The following NFILZ variants were observed in gnomAD, a reference collection of about 807,000 sequenced individuals.
NFILZ encodes the protein NFIL3 like basic leucine zipper, also known as NFIL3 like protein.
chr19:8,656,249 CA>C (rs1284176918), intron 3 of NFILZ, among the ~76,000 whole-genome samples: 9 of 99,918 alleles, frequency 9.0e-5, no homozygotes, highest in Non-Finnish European at 2.3e-4. Flanking sequence ...CTGCCTTCTC[CA>C]CGCAGCCCAT....
Position 8,677,829 on chromosome 19 carries a change from A to G in NFILZ, c.*194A>G, listed in dbSNP as rs1555750841. On this transcript the variant is annotated 3_prime_UTR_variant, in exon 6 of 6. Coordinates refer to ENST00000691075, the MANE Select transcript of NFILZ (RefSeq NM_001378600.1). ...CTAGGGGTGGAGTGGATGGGAGCCC[A>G]TCTTGGATTCTACCATGGCTCTTGC... Among the ~76,000 whole-genome samples the G allele has an allele frequency of 6.6e-6, 1 of 152,026 alleles. No homozygotes were observed. Among genetic ancestry groups the G allele is most frequent in the Non-Finnish European group, 1.5e-5 (1 of 67,966 alleles).
At chr19:8,672,309 A>T (rs1396924386) in intron 3 of NFILZ, among the ~76,000 whole-genome samples, 3 of 152,202 alleles carry the variant, frequency 2.0e-5, no homozygotes, top group African/African-American at 7.2e-5. Context: ...CATTCAAAAA[A>T]AATCCATGCA....
At chr19:8,653,352 A>G (rs751273917) in intron 3 of NFILZ, among the ~76,000 whole-genome samples, 31 of 152,104 alleles carry the variant, frequency 2.0e-4, no homozygotes, top group Non-Finnish European at 4.1e-4. Context: ...AATTGCTGAG[A>G]TTACAGGCAT....
intron 1 of NFILZ, among the ~76,000 whole-genome samples, chr19:8,631,609 C>T (rs1268151728): frequency 8.5e-5 from 13 of 152,198 alleles, no homozygotes; most frequent in African/African-American, 2.4e-4. Flanking sequence ...AGTGGGAGGC[C>T]GCAGATTGGC....
intron 3 of NFILZ, among the ~76,000 whole-genome samples, chr19:8,662,204 TA>T (rs113185976): frequency 0.089 from 11,821 of 133,278 alleles, 696 homozygotes; most frequent in African/African-American, 0.16. Context: ...GACTCTGTCT[TA>T]AAAAAAAAAA....
chr19:8,664,468 TC>T (rs2043052528), intron 3 of NFILZ, among the ~76,000 whole-genome samples: 1 of 151,390 alleles, frequency 6.6e-6, no homozygotes, highest in African/African-American at 2.4e-5. Context: ...CCCCTGAGGC[TC>T]AGGAGGTGCC....
chr19:8,650,162 T>A (rs1420222071), intron 3 of NFILZ, among the ~76,000 whole-genome samples: 11 of 143,784 alleles, frequency 7.7e-5, no homozygotes, highest in Admixed American at 4.2e-4. Flanking sequence ...ACAGCTGAGG[T>A]TTTTTTTTTT....
chr19:8,664,873 C>A (rs961005205), intron 3 of NFILZ, among the ~76,000 whole-genome samples: 41 of 152,074 alleles, frequency 2.7e-4, no homozygotes, highest in African/African-American at 9.7e-4. Flanking sequence ...TCTCCAACTC[C>A]CTGCTTGCAC....
rs115815596 is a variant in NFILZ, at chr19:8,679,658, C to T, written c.*2023C>T. On this transcript the variant is annotated 3_prime_UTR_variant, in exon 6 of 6. Coordinates refer to ENST00000691075, the MANE Select transcript of NFILZ (RefSeq NM_001378600.1). ...CACATCACAGGTAGGACCTCCTCTA[C>T]TTGCTCAGCCTTTGGTTCTGGTCCA... Among the ~76,000 whole-genome samples, 1,400 of 152,204 alleles carry T rather than the reference C, an allele frequency of 9.2e-3. 19 individuals carry two copies. The highest frequency in any genetic ancestry group is 0.032 in the African/African-American group (1,328 of 41,522).
At chr19:8,633,922 C>T (rs1436012938) in intron 2 of NFILZ, among the ~76,000 whole-genome samples, 2 of 144,298 alleles carry the variant, frequency 1.4e-5, no homozygotes, top group Non-Finnish European at 3.0e-5. Flanking sequence ...TTCCTTCCTT[C>T]CTTCCTTCCT....
intron 3 of NFILZ, among the ~76,000 whole-genome samples, chr19:8,655,646 G>A (rs2042988864): frequency 1.3e-5 from 2 of 152,136 alleles, no homozygotes; most frequent in African/African-American, 4.8e-5. Context: ...CGGCATGCTG[G>A]GCTGGCCCGT....
At chr19:8,656,613 C>T (rs1313339796) in intron 3 of NFILZ, among the ~76,000 whole-genome samples, 8 of 151,924 alleles carry the variant, frequency 5.3e-5, no homozygotes, top group African/African-American at 1.9e-4. Context: ...GGTGCAGCCC[C>T]CGTACCTGGC....
intron 3 of NFILZ, among the ~76,000 whole-genome samples, chr19:8,665,135 C>T (rs1387830160): frequency 1.3e-5 from 2 of 152,122 alleles, no homozygotes; most frequent in Non-Finnish European, 2.9e-5. Flanking sequence ...ATTGCTGCAG[C>T]AATGGTGGAA....
chr19:8,635,720 C>T lies in NFILZ; in HGVS notation c.-190C>T, dbSNP rs1326047340. 2.0e-5 allele frequency: 3 copies of T among 152,106 alleles called. No individual in the cohort carries two copies. The highest frequency in any genetic ancestry group is 7.2e-5 in the African/African-American group (3 of 41,402). 9.4% of individuals were successfully genotyped at this position (152,106 alleles called of 1,614,324 possible). A position where few individuals can be genotyped will look rare whatever the true frequency, so the allele number is the denominator to read the frequency against. On this transcript the variant is annotated 5_prime_UTR_variant, in exon 3 of 6. It adds an upstream start codon to the 5' untranslated region. Coordinates refer to ENST00000691075, the MANE Select transcript of NFILZ (RefSeq NM_001378600.1). ...AGGCGATGATAAATAATGTGCCAGA[C>T]GTTGATGTGCAAGTTTTGGTGTGAG...
intron 3 of NFILZ, among the ~76,000 whole-genome samples, chr19:8,642,034 G>T (rs1266551669): frequency 1.3e-5 from 2 of 152,020 alleles, no homozygotes; most frequent in African/African-American, 2.4e-5. Context: ...TAGAGACAGG[G>T]TCTTGCTATG....
At chr19:8,662,753 CA>C (rs1282207129) in intron 3 of NFILZ, among the ~76,000 whole-genome samples, 7 of 151,442 alleles carry the variant, frequency 4.6e-5, no homozygotes, top group Non-Finnish European at 8.8e-5. Context: ...TATCCTGCCT[CA>C]GCCTCCTGAG....
intron 3 of NFILZ, among the ~76,000 whole-genome samples, chr19:8,647,286 G>A (rs951875050): frequency 1.3e-5 from 2 of 152,172 alleles, no homozygotes; most frequent in African/African-American, 4.8e-5. Flanking sequence ...AAAGGAATGA[G>A]ATCGGCCAGG....
intron 3 of NFILZ, among the ~76,000 whole-genome samples, chr19:8,647,163 T>A (rs561080856): frequency 6.6e-6 from 1 of 152,324 alleles, no homozygotes; most frequent in East Asian, 1.9e-4. Context: ...AGGCAAGGGT[T>A]GGTGCACTAT....
At chr19:8,650,259 C>G (rs909834331) in intron 3 of NFILZ, among the ~76,000 whole-genome samples, 3 of 151,954 alleles carry the variant, frequency 2.0e-5, no homozygotes, top group Non-Finnish European at 2.9e-5. Context: ...CTCTCATGTC[C>G]CCTGCACCCA....
Sources: allele counts gnomAD v4.1 joint callset (sites outside exome capture counted in the v4.1 genomes callset), GRCh38; gene constraint gnomAD v4.1.1; transcripts MANE v1.5; gene names NCBI Gene and HGNC (gene_info 2026-07-23, HGNC 2026-07-21).